Variants in ADGRL3 observed in about 807,000 individuals in gnomAD.
ADGRL3 encodes the protein adhesion G protein-coupled receptor L3.
In ADGRL3, 62 loss-of-function variants were observed where a neutral mutation model predicts 153.5. The observed-to-expected ratio is 0.40, with a 90% CI of 0.33 to 0.50. The LOEUF (loss-of-function observed/expected upper bound fraction) is 0.50, where lower values mean the gene tolerates loss of function less well. Among genes scored for constraint, ADGRL3 ranks in the 20% least tolerant of loss-of-function variants. The pLI is 0.47. For missense variants in ADGRL3, 1,641 were observed against 1,859.4 expected, an observed-to-expected ratio of 0.88 and a Z score of 2.16; for synonymous variants, 710 against 672.5, an observed-to-expected ratio of 1.06 and a Z score of -0.86.
chr4:61,989,751 T>C (rs1352932609), intron 19 of ADGRL3, among the ~76,000 whole-genome samples: 3 of 152,000 alleles, frequency 2.0e-5, no homozygotes, highest in African/African-American at 7.2e-5. Context: ...ATGTTAGACT[T>C]AAAATTGAAT....
At chr4:61,634,868 T>C (rs188990583) in intron 5 of ADGRL3, among the ~76,000 whole-genome samples, 5 of 152,312 alleles carry the variant, frequency 3.3e-5, no homozygotes, top group African/African-American at 1.2e-4. Flanking sequence ...GGATATATAA[T>C]GACTTTAATT....
chr4:61,818,834 C>T (rs910630257), intron 9 of ADGRL3, among the ~76,000 whole-genome samples: 2 of 152,120 alleles, frequency 1.3e-5, no homozygotes, highest in Admixed American at 6.5e-5. Flanking sequence ...AATCCAATTG[C>T]AGTTATAATC....
At chr4:61,642,574 G>C (rs2093734270) in intron 5 of ADGRL3, among the ~76,000 whole-genome samples, 1 of 152,016 alleles carries the variant, frequency 6.6e-6, no homozygotes, top group South Asian at 2.1e-4. Context: ...TTTTTGTCAG[G>C]TTCGTCAAAT....
chr4:61,372,903 G>T (rs953267699), intron 1 of ADGRL3, among the ~76,000 whole-genome samples: 2 of 152,192 alleles, frequency 1.3e-5, no homozygotes, highest in Non-Finnish European at 2.9e-5. Flanking sequence ...AGGACCCTCC[G>T]AGCCAGGTGC....
chr4:61,521,186 GC>G (rs1483198501), intron 4 of ADGRL3, among the ~76,000 whole-genome samples: 2 of 152,112 alleles, frequency 1.3e-5, no homozygotes, highest in Admixed American at 6.5e-5. Context: ...TAGAGAAGGT[GC>G]CCCTGAAGAT....
intron 5 of ADGRL3, among the ~76,000 whole-genome samples, chr4:61,631,024 G>A (rs1313357129): frequency 1.3e-5 from 2 of 152,176 alleles, no homozygotes; most frequent in African/African-American, 4.8e-5. Context: ...AGCTCAACTT[G>A]TGTTGGTAAT....
At chr4:61,480,151 T>A (rs1434486722) in intron 2 of ADGRL3, among the ~76,000 whole-genome samples, 2 of 152,158 alleles carry the variant, frequency 1.3e-5, no homozygotes, top group Non-Finnish European at 2.9e-5. Context: ...ACTGAAACTT[T>A]ATACCCTTTG....
chr4:62,006,452 G>A (rs983290742), intron 21 of ADGRL3, among the ~76,000 whole-genome samples: 3 of 152,014 alleles, frequency 2.0e-5, no homozygotes, highest in African/African-American at 7.2e-5. Flanking sequence ...TTTGGGGGTA[G>A]GACAGTTTTT....
At chr4:61,865,369 T>A (rs1179262772) in intron 9 of ADGRL3, among the ~76,000 whole-genome samples, 22 of 151,776 alleles carry the variant, frequency 1.4e-4, no homozygotes, top group Admixed American at 6.6e-5. Flanking sequence ...AGGATTTTTT[T>A]AAAATAGCAT....
chr4:61,599,743 G>A (rs969656080), intron 5 of ADGRL3, among the ~76,000 whole-genome samples: 1 of 152,144 alleles, frequency 6.6e-6, no homozygotes, highest in East Asian at 1.9e-4. Flanking sequence ...GGTTTCTATG[G>A]CTAGCCTCCA....
At chr4:61,740,991 A>C (rs532283119) in intron 8 of ADGRL3, among the ~76,000 whole-genome samples, 5 of 152,324 alleles carry the variant, frequency 3.3e-5, no homozygotes, top group African/African-American at 1.2e-4. Flanking sequence ...AATTAAGTGC[A>C]TTTGTATCTC....
At chr4:62,057,813 T>A (rs1010463282) in intron 25 of ADGRL3, among the ~76,000 whole-genome samples, 2 of 151,954 alleles carry the variant, frequency 1.3e-5, no homozygotes, top group Admixed American at 1.3e-4. Flanking sequence ...GAGTAGCTGG[T>A]ACTACAGGCA....
chr4:61,450,307 G>T (rs193185590), intron 2 of ADGRL3, among the ~76,000 whole-genome samples: 3 of 152,254 alleles, frequency 2.0e-5, no homozygotes, highest in African/African-American at 2.4e-5. Flanking sequence ...AGTAGAATAT[G>T]TACTATTATA....
intron 17 of ADGRL3, among the ~76,000 whole-genome samples, chr4:61,972,410 A>G (rs577003354): frequency 7.7e-4 from 117 of 152,310 alleles, no homozygotes; most frequent in African/African-American, 2.6e-3. Flanking sequence ...TTTATTAAAT[A>G]GGGAATCCTT....
intron 13 of ADGRL3, 81 bp downstream of exon 13, chr4:61,912,838 A>G: frequency 7.9e-7 from 1 of 1,273,286 alleles, no homozygotes; most frequent in Non-Finnish European, 1.1e-6. Flanking sequence ...TGATAGAAAA[A>G]TGATAATGTA....
rs549918924 is a variant in ADGRL3 at position 61,550,710 on chromosome 4, G to A, written c.259+33192G>A. Among the ~76,000 whole-genome samples the A allele has an allele frequency of 1.2e-4, 18 of 152,022 alleles. No homozygotes were observed. In the South Asian group the frequency reaches 3.5e-3, roughly 30 times the overall value. On this transcript the variant is annotated intron_variant, in intron 4 of 26. Coordinates refer to ENST00000683033, the MANE Select transcript of ADGRL3 (RefSeq NM_001387552.1). ...TGGGGAATGGCAGATCAATGATACT[G>A]GTAGTAGCAGTCAAGGGGGTAGCAA...
intron 2 of ADGRL3, among the ~76,000 whole-genome samples, chr4:61,443,910 C>T (rs1298487614): frequency 5.3e-5 from 8 of 152,084 alleles, no homozygotes; most frequent in African/African-American, 1.7e-4. Flanking sequence ...CATTTTCAGT[C>T]GGTGTGATTT....
At chr4:61,491,419 C>T (rs1260857128) in intron 2 of ADGRL3, among the ~76,000 whole-genome samples, 2 of 152,010 alleles carry the variant, frequency 1.3e-5, no homozygotes, top group Admixed American at 1.3e-4. Flanking sequence ...GCTTGGCTAT[C>T]TTTGGTTACT....
rs531576937 is a variant in ADGRL3 at position 61,983,731 on chromosome 4, A to G, written c.3236+128A>G. On this transcript the variant is annotated intron_variant, in intron 19 of 26. Transcript: ENST00000683033. ...GCAGCAAATGTGTATAATTCAATCC[A>G]TGGTTATACTTTGGTTATGATGTAA... 5.2e-6 allele frequency: 4 copies of G among 768,180 alleles called. No individual in the cohort carries two copies. In the South Asian group the frequency reaches 7.8e-5, roughly 15 times the overall value. The allele number at this position is 768,180 out of a possible 1,614,324, so 47.6% of individuals were successfully genotyped here. A position where few individuals can be genotyped will look rare whatever the true frequency, so the allele number is the denominator to read the frequency against.
Sources: gnomAD v4.1 joint callset for allele counts (sites outside exome capture counted in the v4.1 genomes callset) on GRCh38, gnomAD v4.1.1 for gene constraint, MANE v1.5 for transcripts, NCBI Gene and HGNC (gene_info 2026-07-23, HGNC 2026-07-21) for gene names.